The following TASOR variants were observed in gnomAD, a reference collection of about 807,000 sequenced individuals.
TASOR encodes transcription activation suppressor.
A neutral mutation model predicts 178.6 loss-of-function variants in TASOR; 53 were observed. The observed-to-expected ratio is 0.30, with a 90% CI of 0.24 to 0.37. TASOR has a LOEUF of 0.37. Ranked by LOEUF, TASOR falls within the 10% of genes least tolerant of loss-of-function variation. TASOR has a pLI of 1.00. For missense variants in TASOR, 1,815 were observed against 1,971.4 expected (o/e 0.92, Z 1.50); for synonymous variants, 713 against 696.2 (o/e 1.02, Z -0.38).
At chr3:56,656,186 A>G (rs2077464380) in intron 11 of TASOR, among the ~76,000 whole-genome samples, 1 of 152,236 alleles carries the variant, frequency 6.6e-6, no homozygotes, top group Non-Finnish European at 1.5e-5. Context: ...AAAATGTACA[A>G]AAATAAACAC....
chr3:56,645,930 C>T lies in TASOR; in HGVS notation c.2215+592G>A, dbSNP rs182906524. 9.2e-5 allele frequency among the ~76,000 whole-genome samples: 14 copies of T among 152,274 alleles called. No individual in the cohort carries two copies. The East Asian group carries it at 2.7e-3, about 29-fold the overall frequency. ...TTGGGAGGCCGAGGCAGGCGGATCA[C>T]GAGGTCAGGAGATCGAGACCATCCT... On this transcript the variant is annotated intron_variant, in intron 14 of 23. Transcript: ENST00000683822.
Position 56,632,732 on chromosome 3 carries a change from C to T in TASOR, c.3747+312G>A, listed in dbSNP as rs1037356963. Among the ~76,000 whole-genome samples the T allele has an allele frequency of 2.6e-5, 4 of 151,982 alleles. No homozygotes were observed. The South Asian group carries it at 8.3e-4, about 32-fold the overall frequency. On this transcript the variant is annotated intron_variant, in intron 18 of 23. Coordinates refer to ENST00000683822, the MANE Select transcript of TASOR (RefSeq NM_001365635.2). ...CATAGCTAACTGTAATCTTGAATGC[C>T]TGGGCTCAAGTGATCCTCCCACTTG...
chr3:56,646,775 T>C lies in TASOR; in HGVS notation c.1962A>G (p.Lys654=), dbSNP rs766739163. 2.5e-6 allele frequency: 4 copies of C among 1,613,942 alleles called. No individual in the cohort carries two copies. Among genetic ancestry groups the C allele is most frequent in the Admixed American group, 1.7e-5 (1 of 60,014 alleles). ...EMNGTKMKFG[K]RNNSRGEAII... The stretch of plus-strand genomic sequence containing the variant: ...TGGCTTCACCTCTTGAGTTATTTCG[T>C]TTTCCAAATTTCATTTTTGTACCAT... Residue 654 remains lysine (K), a synonymous_variant, in exon 14 of 24, where the codon AAA becomes AAG. Transcript: ENST00000683822.
At position 56,621,164 on chromosome 3, in the gene TASOR, A is replaced by AAAAC. The variant is rs2076505540; in HGVS notation, c.*1872_*1873insGTTT. ...ACAGAGCGAGACTCCATCTCCAAAAAAAAACAAAACAACAACAACAAAAAA... is the reference window on the plus strand; with the variant it reads ...ACAGAGCGAGACTCCATCTCCAAAAAAAACAAAACAAAACAACAACAACAAAAAA... On this transcript the variant is annotated 3_prime_UTR_variant, in exon 24 of 24. Transcript: ENST00000683822. 6.5e-6 allele frequency: 1 copy of AAAAC among 154,462 alleles called. No homozygotes were observed. The highest frequency in any genetic ancestry group is 2.0e-4 in the South Asian group (1 of 4,916). 9.6% of individuals were successfully genotyped at this position (154,462 alleles called of 1,614,324 possible). A position where few individuals can be genotyped will look rare whatever the true frequency, so the allele number is the denominator to read the frequency against.
intron 11 of TASOR, among the ~76,000 whole-genome samples, chr3:56,659,049 A>G (rs1182709453): frequency 6.6e-6 from 1 of 152,082 alleles, no homozygotes; most frequent in African/African-American, 2.4e-5. Context: ...AAAGACTCGC[A>G]AGGGTTTTAT....
chr3:56,662,495 A>C lies in TASOR; in HGVS notation c.1055-5T>G. On this transcript the variant is annotated splice_polypyrimidine_tract_variant and splice_region_variant and intron_variant, in intron 8 of 23. Coordinates refer to ENST00000683822, the MANE Select transcript of TASOR (RefSeq NM_001365635.2). ...ACAAGGTATAGTTATATTTATCTAA[A>C]TAAAAAGAATATAATGACACAGCTT... 1 of 1,387,744 alleles carries C rather than the reference A, an allele frequency of 7.2e-7. No homozygotes were observed. The highest frequency in any genetic ancestry group is 9.9e-7 in the Non-Finnish European group (1 of 1,009,098). The allele number at this position is 1,387,744 out of a possible 1,614,324, so 86.0% of individuals were successfully genotyped here. A position where few individuals can be genotyped will look rare whatever the true frequency, so the allele number is the denominator to read the frequency against.
At chr3:56,653,002 C>A (rs953594538) in intron 11 of TASOR, among the ~76,000 whole-genome samples, 1 of 152,070 alleles carries the variant, frequency 6.6e-6, no homozygotes, top group East Asian at 1.9e-4. Context: ...CAGTGGCTCA[C>A]GCCTGTAATC....
intron 6 of TASOR, among the ~76,000 whole-genome samples, chr3:56,666,964 A>C (rs1239477925): frequency 1.3e-5 from 2 of 152,226 alleles, no homozygotes; most frequent in Non-Finnish European, 2.9e-5. Context: ...TTTCACTTTA[A>C]GAATGCCTGA....
chr3:56,673,684 CT>C lies in TASOR; in HGVS notation c.372del (p.Asp125MetfsTer3). The C allele has an allele frequency of 1.3e-6, 2 of 1,549,294 alleles. No homozygotes were observed. The highest frequency in any genetic ancestry group is 1.7e-6 in the Non-Finnish European group (2 of 1,146,368). On this transcript the variant is annotated frameshift_variant, in exon 2 of 24. Coordinates refer to ENST00000683822, the MANE Select transcript of TASOR (RefSeq NM_001365635.2). LOFTEE classifies it high-confidence loss of function. ...QPLTPGSREF[E>X]DVVNILHSSY... ...GAAGAATGGAGAATATTTACAACATCTTCAAATTCTCGAGAGCCTGGAGTTA... is the reference window on the plus strand; with the variant it reads ...GAAGAATGGAGAATATTTACAACATCTCAAATTCTCGAGAGCCTGGAGTTA...
intron 6 of TASOR, 130 bp from the exon 7 acceptor site, chr3:56,666,514 G>A (rs769496907): frequency 1.6e-5 from 9 of 565,792 alleles, no homozygotes; most frequent in Admixed American, 4.1e-5. Context: ...TAAGCTCTGC[G>A]TGCCAATTTA....
At chr3:56,639,739 T>C (rs2077085093) in intron 16 of TASOR, among the ~76,000 whole-genome samples, 1 of 151,136 alleles carries the variant, frequency 6.6e-6, no homozygotes, top group Admixed American at 6.6e-5. Flanking sequence ...CTAAACTCCA[T>C]AGAGACAGTG....
Position 56,633,714 on chromosome 3 carries a change from T to C in TASOR, c.3077A>G (p.Asn1026Ser), listed in dbSNP as rs767958120. Reference sequence around the variant, plus strand: ...CTCTTCTATCTTCCTAGAAAAGAGATTGTACTCTCCTAACACTGTCCTCTC... The same window carrying C: ...CTCTTCTATCTTCCTAGAAAAGAGACTGTACTCTCCTAACACTGTCCTCTC... Reference protein sequence around the residue: ...TTERTVLGEYNLFSRKIEEIL... With the variant: ...TTERTVLGEYSLFSRKIEEIL... Residue 1026 changes from asparagine to serine, a missense_variant, in exon 18 of 24, where the codon AAT (asparagine) becomes AGT (serine). This residue lies in a region of TASOR where 655 missense variants were observed against 671.1 expected (regional missense o/e 0.98). Transcript: ENST00000683822. 2.2e-5 allele frequency: 36 copies of C among 1,614,074 alleles called. No individual in the cohort carries two copies. Among genetic ancestry groups the C allele is most frequent in the East Asian group, 2.0e-4 (9 of 44,902 alleles).
intron 17 of TASOR, among the ~76,000 whole-genome samples, chr3:56,635,049 G>T (rs1260506732): frequency 6.6e-6 from 1 of 152,186 alleles, no homozygotes; most frequent in Non-Finnish European, 1.5e-5. Flanking sequence ...AGGAAATGGT[G>T]CCTCTAAATC....
At chr3:56,672,890 G>T (rs546680407) in intron 2 of TASOR, among the ~76,000 whole-genome samples, 2 of 152,070 alleles carry the variant, frequency 1.3e-5, no homozygotes, top group African/African-American at 2.4e-5. Flanking sequence ...GCAGTGGCGC[G>T]ATCTCAGCTC....
chr3:56,681,246 T>G (rs1484213536), intron 1 of TASOR, among the ~76,000 whole-genome samples: 2 of 152,170 alleles, frequency 1.3e-5, no homozygotes, highest in African/African-American at 4.8e-5. Flanking sequence ...CTACCTATTC[T>G]CTACCAATTG....
chr3:56,645,987 A>T (rs2077229888), intron 14 of TASOR, among the ~76,000 whole-genome samples: 3 of 152,160 alleles, frequency 2.0e-5, no homozygotes, highest in Admixed American at 2.0e-4. Flanking sequence ...TCTCTACTAA[A>T]AATACAAAAA....
Position 56,648,631 on chromosome 3 carries a change from CAAAAAAAA to C in TASOR, c.1513+183_1513+190del, listed in dbSNP as rs56218279. Among the ~76,000 whole-genome samples the C allele has an allele frequency of 4.8e-3, 409 of 84,526 alleles. 2 individuals carry two copies. Among genetic ancestry groups the C allele is most frequent in the Non-Finnish European group, 6.6e-3 (261 of 39,454 alleles). The allele number at this position is 84,526 out of a possible 152,430, so 55.5% of individuals were successfully genotyped here. A position where few individuals can be genotyped will look rare whatever the true frequency, so the allele number is the denominator to read the frequency against. On this transcript the variant is annotated intron_variant, in intron 13 of 23. Transcript: ENST00000683822. Reference sequence around the variant, plus strand: ...GGGCAAGAAGAGCAAAACTCTGTATCAAAAAAAAAAAAAAAAAAAAAAAAAAAAAATTC... The same window carrying C: ...GGGCAAGAAGAGCAAAACTCTGTATCAAAAAAAAAAAAAAAAAAAAAATTC...
chr3:56,646,831 A>G lies in TASOR; in HGVS notation c.1906T>C (p.Ser636Pro). The change falls in exon 14 of 24, where the codon TCA (serine) becomes CCA (proline). Residue 636 changes from serine (S) to proline (P), a missense_variant. Coordinates refer to ENST00000683822, the MANE Select transcript of TASOR (RefSeq NM_001365635.2). The stretch of plus-strand genomic sequence containing the variant: ...TCTTCTTCTTGACCTTCATAATCTG[A>G]AAGTGGACTAAACTGCTGAAGTTTT... ...NRKLQQFSPLSDYEGQEEEMN... is the reference protein window; with the variant it reads ...NRKLQQFSPLPDYEGQEEEMN... The G allele has an allele frequency of 6.2e-7, 1 of 1,610,516 alleles. No homozygotes were observed. Among genetic ancestry groups the G allele is most frequent in the Non-Finnish European group, 8.5e-7 (1 of 1,179,278 alleles).
Position 56,663,561 on chromosome 3 carries a change from A to C in TASOR, c.1034T>G (p.Phe345Cys). ...KFVPSSRSNS[F>C]NTDRNIDKYN... The stretch of plus-strand genomic sequence containing the variant: ...CTTACCTATGTTTCTATCTGTATTA[A>C]AGCTGTTAGATCTACAAATTTTTTA... Residue 345 changes from phenylalanine to cysteine, a missense_variant, in exon 8 of 24, where the codon TTT becomes TGT. By Grantham distance (205) the Phe-to-Cys change is radical. Coordinates refer to ENST00000683822, the MANE Select transcript of TASOR (RefSeq NM_001365635.2). The C allele has an allele frequency of 2.5e-6, 3 of 1,210,128 alleles. No individual in the cohort carries two copies. The highest frequency in any genetic ancestry group is 1.6e-5 in the African/African-American group (1 of 64,356). The allele number at this position is 1,210,128 out of a possible 1,614,324, so 75.0% of individuals were successfully genotyped here. A position where few individuals can be genotyped will look rare whatever the true frequency, so the allele number is the denominator to read the frequency against.
Sources: gnomAD v4.1 joint callset for allele counts (sites outside exome capture counted in the v4.1 genomes callset) on GRCh38, gnomAD v4.1.1 for gene constraint, gnomAD v4.1.1 regional missense constraint, MANE v1.5 for transcripts, NCBI Gene and HGNC (gene_info 2026-07-23, HGNC 2026-07-21) for gene names.